Variants in PKP4 observed in about 807,000 individuals in gnomAD.
PKP4 encodes the protein plakophilin 4.
PKP4 carries 90 observed loss-of-function variants against 145.1 expected under a neutral mutation model. The ratio of observed to expected loss-of-function variants is 0.62; its 90% CI spans 0.52 to 0.74. The LOEUF (loss-of-function observed/expected upper bound fraction) is 0.74. Among genes scored for constraint, PKP4 ranks in the 30% least tolerant of loss-of-function variants. The probability of loss-of-function intolerance (pLI) is 0.00; values close to 1 mark genes in which losing one functional copy is unlikely to be tolerated. For missense variants in PKP4, 1,340 were observed against 1,482.7 expected (o/e 0.90, Z 1.58); for synonymous variants, 563 against 577.2 (o/e 0.98, Z 0.35).
rs1050339065 is a variant in PKP4, at chr2:158,605,106, A to T, written c.280+2002A>T. On this transcript the variant is annotated intron_variant, in intron 4 of 21. Transcript: ENST00000389759. ...GGGAGCCATGTCTGCTCTGTTCAAC[A>T]AAGTATTCCAAGGGCCTTGTGTGTG... 8.5e-5 allele frequency among the ~76,000 whole-genome samples: 13 copies of T among 152,324 alleles called. 1 individual carries two copies. Among genetic ancestry groups the T allele is most frequent in the African/African-American group, 3.1e-4 (13 of 41,582 alleles).
chr2:158,595,314 A>G (rs1005370231), intron 3 of PKP4, among the ~76,000 whole-genome samples: 1 of 152,202 alleles, frequency 6.6e-6, no homozygotes, highest in Non-Finnish European at 1.5e-5. Flanking sequence ...ACTTCTCACC[A>G]TGCTTATTGT....
At chr2:158,633,951 T>C in intron 8 of PKP4, 119 bp from the exon 9 acceptor site, 3 of 608,930 alleles carry the variant, frequency 4.9e-6, no homozygotes, top group Non-Finnish European at 8.8e-6. Context: ...AATCTAAAAG[T>C]AAGCGATTTA....
chr2:158,497,148 C>T (rs888120559), intron 1 of PKP4, among the ~76,000 whole-genome samples: 20 of 152,064 alleles, frequency 1.3e-4, no homozygotes, highest in African/African-American at 4.3e-4. Flanking sequence ...CAGTGCCTCA[C>T]CTAGAGATGA....
At chr2:158,594,711 T>C (rs530618831) in intron 3 of PKP4, among the ~76,000 whole-genome samples, 22 of 152,308 alleles carry the variant, frequency 1.4e-4, no homozygotes, top group African/African-American at 5.3e-4. Flanking sequence ...TTGAGATTGA[T>C]TGTGAATGGA....
intron 1 of PKP4, among the ~76,000 whole-genome samples, chr2:158,530,506 T>G (rs2043432427): frequency 3.7e-5 from 2 of 54,362 alleles, no homozygotes; most frequent in East Asian, 1.4e-3. Context: ...CTTTCTTTCT[T>G]TTTTTTTTTT....
chr2:158,519,693 A>G (rs898630098), intron 1 of PKP4, among the ~76,000 whole-genome samples: 8 of 152,142 alleles, frequency 5.3e-5, no homozygotes, highest in African/African-American at 1.7e-4. Context: ...CGCTGATGAC[A>G]TTTTTAAAAT....
intron 2 of PKP4, among the ~76,000 whole-genome samples, chr2:158,561,383 C>T (rs932803286): frequency 1.3e-5 from 2 of 152,224 alleles, no homozygotes; most frequent in African/African-American, 4.8e-5. Context: ...AGCTCTCACA[C>T]ACCTTAGGTC....
At chr2:158,559,481 C>G (rs2046346218) in intron 2 of PKP4, among the ~76,000 whole-genome samples, 1 of 152,122 alleles carries the variant, frequency 6.6e-6, no homozygotes, top group Admixed American at 6.5e-5. Context: ...CCTCTGCTTA[C>G]AGGAGCCTCA....
chr2:158,469,083 A>T (rs1691146080), intron 1 of PKP4, among the ~76,000 whole-genome samples: 1 of 150,686 alleles, frequency 6.6e-6, no homozygotes, highest in African/African-American at 2.4e-5. Context: ...CTAGCCAGAA[A>T]ATACTTTTTT....
chr2:158,647,372 C>A lies in PKP4; in HGVS notation c.1909+4673C>A, dbSNP rs192434189. On this transcript the variant is annotated intron_variant, in intron 11 of 21. Transcript: ENST00000389759. ...TACTATGCCCTTGAAACTAGGAATTCTTTGATTCTTAATATTAAGTAATTC... is the reference window on the plus strand; with the variant it reads ...TACTATGCCCTTGAAACTAGGAATTATTTGATTCTTAATATTAAGTAATTC... Among the ~76,000 whole-genome samples the A allele has an allele frequency of 4.6e-5, 7 of 152,234 alleles. No individual in the cohort carries two copies. The East Asian group carries it at 1.3e-3, about 29-fold the overall frequency.
rs145784357 is a variant in PKP4, at chr2:158,614,342, A to G, written c.281-6648A>G. On this transcript the variant is annotated intron_variant, in intron 4 of 21. Transcript: ENST00000389759. ...AAAGTTTTGAAATATCAAGGCAAAA[A>G]TGGTGTGCTGGAGTGACATGGTAAA... 6.6e-4 allele frequency among the ~76,000 whole-genome samples: 101 copies of G among 152,352 alleles called. 1 individual carries two copies. The East Asian group carries it at 0.015, about 23-fold the overall frequency.
At chr2:158,546,300 T>G (rs540437900) in intron 2 of PKP4, among the ~76,000 whole-genome samples, 6 of 152,344 alleles carry the variant, frequency 3.9e-5, no homozygotes, top group Non-Finnish European at 7.3e-5. Flanking sequence ...TTCTTCAGAT[T>G]TTTGCTTTAT....
chr2:158,672,917 C>G (rs1403087923), intron 17 of PKP4, among the ~76,000 whole-genome samples: 2 of 152,114 alleles, frequency 1.3e-5, no homozygotes, highest in African/African-American at 2.4e-5. Flanking sequence ...GTCAAAGGAG[C>G]CTTAAGATTG....
intron 10 of PKP4, among the ~76,000 whole-genome samples, chr2:158,642,110 C>T (rs1340854136): frequency 3.9e-5 from 6 of 152,174 alleles, no homozygotes; most frequent in Non-Finnish European, 8.8e-5. Flanking sequence ...CAACCTCCAC[C>T]TCCCAGGTTC....
intron 2 of PKP4, among the ~76,000 whole-genome samples, chr2:158,556,898 T>G (rs1050103759): frequency 6.6e-6 from 1 of 152,204 alleles, no homozygotes; most frequent in Non-Finnish European, 1.5e-5. Context: ...TATATTATTT[T>G]TAAGAGATTA....
intron 1 of PKP4, among the ~76,000 whole-genome samples, chr2:158,465,402 G>A (rs1690453708): frequency 6.6e-6 from 1 of 152,018 alleles, no homozygotes; most frequent in Admixed American, 6.6e-5. Context: ...GATTATTTTG[G>A]CTGTATCTCT....
chr2:158,505,956 C>G (rs572906141), intron 1 of PKP4, among the ~76,000 whole-genome samples: 10 of 152,276 alleles, frequency 6.6e-5, no homozygotes, highest in African/African-American at 1.7e-4. Flanking sequence ...TGAGCTTCAA[C>G]AGCCCTGTTT....
chr2:158,647,051 C>T (rs775088742), intron 11 of PKP4, among the ~76,000 whole-genome samples: 29 of 152,180 alleles, frequency 1.9e-4, no homozygotes, highest in Non-Finnish European at 3.5e-4. Context: ...TCTGAACTGT[C>T]GTTAAAGCAC....
At position 158,621,248 on chromosome 2, in the gene PKP4, A is replaced by C. The variant is rs773421518; in HGVS notation, c.430A>C (p.Arg144=). The C allele has an allele frequency of 1.2e-6, 2 of 1,614,098 alleles. No individual in the cohort carries two copies. Among genetic ancestry groups the C allele is most frequent in the African/African-American group, 1.3e-5 (1 of 74,942 alleles). ...TCTTACAGGATCATTGGGTAACTCAAGAAGTTCAACACAAATGAATTCTTA... is the reference window on the plus strand; with the variant it reads ...TCTTACAGGATCATTGGGTAACTCACGAAGTTCAACACAAATGAATTCTTA... ...HESEGSLGNS[R]SSTQMNSYSD... Residue 144 remains arginine (R), a synonymous_variant, in exon 6 of 22, where the codon AGA becomes CGA. Coordinates refer to ENST00000389759, the MANE Select transcript of PKP4 (RefSeq NM_003628.6).
Sources: allele counts gnomAD v4.1 joint callset (sites outside exome capture counted in the v4.1 genomes callset), GRCh38; gene constraint gnomAD v4.1.1; transcripts MANE v1.5; gene names NCBI Gene and HGNC (gene_info 2026-07-23, HGNC 2026-07-21).